GLIS3: variants seen among roughly 807,000 people sequenced by gnomAD.
The protein encoded by GLIS3 is zinc finger protein GLIS3.
Under a neutral mutation model 78.6 loss-of-function variants are expected in GLIS3, and 53 were observed. The ratio of observed to expected loss-of-function variants is 0.67; its 90% CI spans 0.54 to 0.85. The LOEUF is 0.85. Among genes scored for constraint, GLIS3 ranks in the 40% least tolerant of loss-of-function variants. GLIS3 has a pLI of 0.00. For missense variants in GLIS3, 1,703 were observed against 1,231.1 expected (o/e 1.38, Z -5.74); for synonymous variants, 684 against 509.9 (o/e 1.34, Z -4.60).
intron 6 of GLIS3, among the ~76,000 whole-genome samples, chr9:3,914,691 T>G (rs1168924761): frequency 6.6e-6 from 1 of 152,162 alleles, no homozygotes; most frequent in Non-Finnish European, 1.5e-5. Flanking sequence ...AAGTGTAAAT[T>G]TGGTAAGTAG....
At chr9:4,268,531 G>T (rs939662966) in intron 2 of GLIS3, among the ~76,000 whole-genome samples, 1 of 152,142 alleles carries the variant, frequency 6.6e-6, no homozygotes, top group Non-Finnish European at 1.5e-5. Context: ...CAATAATATG[G>T]TTTAGTGTAC....
At chr9:3,943,543 C>A (rs1563876452) in intron 4 of GLIS3, among the ~76,000 whole-genome samples, 1 of 152,172 alleles carries the variant, frequency 6.6e-6, no homozygotes, top group East Asian at 1.9e-4. Flanking sequence ...GTAATAACAG[C>A]CTCATTGGAA....
intron 2 of GLIS3, among the ~76,000 whole-genome samples, chr9:4,208,917 T>C (rs1275063291): frequency 6.6e-6 from 1 of 152,202 alleles, no homozygotes. Context: ...ATAAAGGCTG[T>C]CTGGATGGGA....
intron 2 of GLIS3, among the ~76,000 whole-genome samples, chr9:4,317,579 G>T (rs991181419): frequency 6.6e-6 from 1 of 152,178 alleles, no homozygotes; most frequent in Non-Finnish European, 1.5e-5. Context: ...TTTAGATTAC[G>T]TATTGCTTAC....
chr9:4,022,231 G>A (rs1187319006), intron 4 of GLIS3, among the ~76,000 whole-genome samples: 1 of 152,202 alleles, frequency 6.6e-6, no homozygotes, highest in Non-Finnish European at 1.5e-5. Context: ...AGATTAAGCA[G>A]CTGATGCACA....
At chr9:3,857,301 G>T (rs1369757637) in intron 8 of GLIS3, among the ~76,000 whole-genome samples, 1 of 152,228 alleles carries the variant, frequency 6.6e-6, no homozygotes, top group Non-Finnish European at 1.5e-5. Flanking sequence ...GTCACCATCT[G>T]CTTACATTGC....
chr9:4,093,190 A>G (rs1021978672), intron 4 of GLIS3, among the ~76,000 whole-genome samples: 2 of 152,180 alleles, frequency 1.3e-5, no homozygotes, highest in Admixed American at 6.5e-5. Context: ...TGTAAGTGGC[A>G]GAGTCATGAT....
the GLIS3 span, among the ~76,000 whole-genome samples, chr9:4,450,229 A>G: frequency 6.6e-6 from 1 of 152,260 alleles, no homozygotes; most frequent in Non-Finnish European, 1.5e-5. Flanking sequence ...GATTCAATCA[A>G]GTGAAAGAAA....
Position 3,892,035 on chromosome 9 carries a change from G to A in GLIS3, c.2128+6656C>T, listed in dbSNP as rs148007518. ...ACTTTCTCTACGTCCCCAAGGAAAA[G>A]GTTCCAGTGAAGCTTACAGACCCCT... is the stretch of plus-strand genomic sequence containing the variant. On this transcript the variant is annotated intron_variant, in intron 7 of 10. Transcript: ENST00000381971. Among the ~76,000 whole-genome samples the A allele has an allele frequency of 2.0e-4, 30 of 152,244 alleles. No individual in the cohort carries two copies. In the East Asian group the frequency reaches 5.2e-3, roughly 26 times the overall value.
chr9:4,140,255 T>C (rs1833710558), intron 2 of GLIS3, among the ~76,000 whole-genome samples: 1 of 151,982 alleles, frequency 6.6e-6, no homozygotes, highest in Admixed American at 6.6e-5. Context: ...ACCTGGGAGG[T>C]CAAGGCTGCA....
chr9:4,013,622 G>C (rs1201463281), intron 4 of GLIS3, among the ~76,000 whole-genome samples: 1 of 152,212 alleles, frequency 6.6e-6, no homozygotes, highest in African/African-American at 2.4e-5. Flanking sequence ...GAACACAGGA[G>C]GGCTCAAGAG....
the GLIS3 span, among the ~76,000 whole-genome samples, chr9:4,362,936 G>T: frequency 2.0e-5 from 3 of 152,054 alleles, no homozygotes; most frequent in African/African-American, 7.2e-5. Flanking sequence ...GATGAAGAAG[G>T]TAGCAAGGGA....
At chr9:4,108,257 G>C (rs1364350818) in intron 4 of GLIS3, among the ~76,000 whole-genome samples, 1 of 152,112 alleles carries the variant, frequency 6.6e-6, no homozygotes, top group African/African-American at 2.4e-5. Context: ...AGATACCCTT[G>C]GGAGAGCCAG....
At chr9:4,410,160 A>G in the GLIS3 span, among the ~76,000 whole-genome samples, 3 of 147,964 alleles carry the variant, frequency 2.0e-5, no homozygotes, top group East Asian at 5.9e-4. Flanking sequence ...TTTCTTAAGC[A>G]GAGACAGTGT....
intron 2 of GLIS3, among the ~76,000 whole-genome samples, chr9:4,256,333 GT>G (rs1345220132): frequency 6.6e-5 from 10 of 152,280 alleles, no homozygotes; most frequent in Admixed American, 2.0e-4. Context: ...AAAGGTTAAT[GT>G]TTTAATATTA....
chr9:4,035,581 T>C (rs1824229830), intron 4 of GLIS3, among the ~76,000 whole-genome samples: 2 of 152,060 alleles, frequency 1.3e-5, no homozygotes, highest in South Asian at 4.2e-4. Flanking sequence ...TTCTCTTCTC[T>C]GTTACTGCAG....
chr9:4,401,402 G>A, the GLIS3 span, among the ~76,000 whole-genome samples: 2 of 151,630 alleles, frequency 1.3e-5, no homozygotes, highest in Admixed American at 6.6e-5. Flanking sequence ...TGGGGTTACA[G>A]GCTTAAGCCA....
At chr9:4,382,536 T>C in the GLIS3 span, among the ~76,000 whole-genome samples, 1 of 152,182 alleles carries the variant, frequency 6.6e-6, no homozygotes. Flanking sequence ...TATGGTTCTT[T>C]TGTTCTCTGA....
the GLIS3 span, among the ~76,000 whole-genome samples, chr9:4,376,784 C>A: frequency 7.4e-6 from 1 of 135,736 alleles, no homozygotes; most frequent in Non-Finnish European, 1.7e-5. Flanking sequence ...ATACTCAATG[C>A]TGAAAAGGCT....
Sources: allele counts gnomAD v4.1 joint callset (sites outside exome capture counted in the v4.1 genomes callset), GRCh38; gene constraint gnomAD v4.1.1; transcripts MANE v1.5; gene names NCBI Gene and HGNC (gene_info 2026-07-23, HGNC 2026-07-21).